Variants in CAMK1D observed in about 807,000 individuals in gnomAD.
CAMK1D encodes the protein calcium/calmodulin dependent protein kinase ID.
In CAMK1D, 9 loss-of-function variants were observed where a neutral mutation model predicts 47.7. That is an observed-to-expected ratio of 0.19 (90% CI 0.11 to 0.33). The LOEUF is 0.33. CAMK1D is among the 10% of genes least tolerant of loss of function. CAMK1D has a pLI of 1.00. For synonymous variants in CAMK1D, 184 were observed against 184.9 expected (o/e 0.99, Z 0.04); for missense variants, 291 against 488.7 (o/e 0.60, Z 3.81).
intron 1 of CAMK1D, among the ~76,000 whole-genome samples, chr10:12,439,149 T>A (rs1046994182): frequency 1.3e-5 from 2 of 152,248 alleles, no homozygotes; most frequent in African/African-American, 2.4e-5. Context: ...TTGCGCAGGC[T>A]GTCTGAGGAC....
intron 1 of CAMK1D, among the ~76,000 whole-genome samples, chr10:12,396,770 C>T (rs1329849953): frequency 1.3e-5 from 2 of 152,188 alleles, no homozygotes; most frequent in East Asian, 3.9e-4. Flanking sequence ...CACTTCCAGC[C>T]ACGTAGGCTC....
At chr10:12,379,071 A>G (rs1838270154) in intron 1 of CAMK1D, among the ~76,000 whole-genome samples, 1 of 152,076 alleles carries the variant, frequency 6.6e-6, no homozygotes, top group African/African-American at 2.4e-5. Context: ...CGGCCTCCCA[A>G]AGTGTTGGGA....
chr10:12,683,214 G>C (rs528155195), intron 3 of CAMK1D, among the ~76,000 whole-genome samples: 2 of 152,038 alleles, frequency 1.3e-5, no homozygotes, highest in African/African-American at 4.8e-5. Flanking sequence ...AGCCTCCCGA[G>C]TAGCTGGGAC....
intron 1 of CAMK1D, among the ~76,000 whole-genome samples, chr10:12,378,725 G>T (rs944869873): frequency 1.3e-5 from 2 of 151,774 alleles, no homozygotes; most frequent in African/African-American, 4.8e-5. Context: ...AGTTTATTGA[G>T]CACTAGAGTT....
At chr10:12,828,714 CA>C in intron 10 of CAMK1D, 54 bp from the exon 11 acceptor site, 1 of 1,432,086 alleles carries the variant, frequency 7.0e-7, no homozygotes, top group Non-Finnish European at 9.8e-7. Context: ...CAGTGGGAAG[CA>C]GGGTGAGAAT....
intron 1 of CAMK1D, among the ~76,000 whole-genome samples, chr10:12,505,153 G>A (rs1349623215): frequency 1.3e-5 from 2 of 152,222 alleles, no homozygotes; most frequent in Non-Finnish European, 2.9e-5. Flanking sequence ...GATAGATGCA[G>A]AAGCCGTCCG....
rs76762641 is a variant in CAMK1D at position 12,467,371 on chromosome 10, T to C, written c.93-85854T>C. 1.9e-3 allele frequency among the ~76,000 whole-genome samples: 295 copies of C among 152,260 alleles called. 12 individuals are homozygous for C. The East Asian group carries it at 0.046, about 24-fold the overall frequency. ...TTTTGCCATTTTGTCCAGGCTGGTC[T>C]TGAACCGCTGGCCTCAAGTGATCCA... On this transcript the variant is annotated intron_variant, in intron 1 of 10. Transcript: ENST00000619168.
intron 2 of CAMK1D, among the ~76,000 whole-genome samples, chr10:12,557,510 C>T (rs1836799733): frequency 6.8e-6 from 1 of 146,802 alleles, no homozygotes; most frequent in African/African-American, 2.5e-5. Context: ...CCAGATCGCG[C>T]CACTGCACTC....
chr10:12,827,307 T>TTC (rs879343909), intron 10 of CAMK1D, among the ~76,000 whole-genome samples: 33,831 of 107,540 alleles, frequency 0.31, 4,710 homozygotes, highest in South Asian at 0.47. Flanking sequence ...TTCTCTCTCT[T>TTC]TTTCTTTTCT....
chr10:12,725,744 A>G (rs1301715540), intron 3 of CAMK1D, among the ~76,000 whole-genome samples: 3 of 152,100 alleles, frequency 2.0e-5, no homozygotes, highest in African/African-American at 4.8e-5. Context: ...GCTACACACT[A>G]CTGAATAATA....
At chr10:12,461,416 C>T (rs911136774) in intron 1 of CAMK1D, among the ~76,000 whole-genome samples, 8 of 152,122 alleles carry the variant, frequency 5.3e-5, no homozygotes, top group African/African-American at 1.7e-4. Context: ...TTTGGCCGGG[C>T]GCAGTGGCTC....
chr10:12,428,138 C>T (rs1840315224), intron 1 of CAMK1D, among the ~76,000 whole-genome samples: 1 of 152,154 alleles, frequency 6.6e-6, no homozygotes, highest in Non-Finnish European at 1.5e-5. Flanking sequence ...CCGTCATCTG[C>T]ATTAGGTATA....
intron 6 of CAMK1D, among the ~76,000 whole-genome samples, chr10:12,793,514 T>C (rs1022229392): frequency 1.3e-5 from 2 of 152,242 alleles, no homozygotes; most frequent in African/African-American, 4.8e-5. Flanking sequence ...CAAAATGCCA[T>C]GTGGTTTAAA....
In CAMK1D at chr10:12,811,513, A is replaced by G. The variant is rs558099460; in HGVS notation, c.642-2682A>G. Among the ~76,000 whole-genome samples, 27 of 152,354 alleles carry G rather than the reference A, an allele frequency of 1.8e-4. No individual in the cohort carries two copies. In the East Asian group the frequency reaches 5.0e-3, roughly 28 times the overall value. On this transcript the variant is annotated intron_variant, in intron 6 of 10. Coordinates refer to ENST00000619168, the MANE Select transcript of CAMK1D (RefSeq NM_153498.4). ...TTAATTTTGACTTACTTAGGCTCCA[A>G]GCTCAATCCATGTCCTTTTCCTGTG... is the stretch of plus-strand genomic sequence containing the variant.
In CAMK1D at chr10:12,417,554, A is replaced by G. The variant is rs373088616; in HGVS notation, c.92+67644A>G. Among the ~76,000 whole-genome samples the G allele has an allele frequency of 1.8e-4, 27 of 152,164 alleles. 1 individual carries two copies. In the South Asian group the frequency reaches 3.5e-3, roughly 20 times the overall value. ...CTGGGGCTCCGGCTGGGGTGGGGAG[A>G]TGGCTTGGCCCTGGGCTGTTGGCCT... On this transcript the variant is annotated intron_variant, in intron 1 of 10. Transcript: ENST00000619168.
At chr10:12,649,722 T>TA (rs1378079147) in intron 2 of CAMK1D, among the ~76,000 whole-genome samples, 2 of 152,204 alleles carry the variant, frequency 1.3e-5, no homozygotes, top group Non-Finnish European at 2.9e-5. Context: ...TGTTGCAGGA[T>TA]ACGTTTTGCC....
rs191952976 is a variant in CAMK1D, at chr10:12,817,727, G to A, written c.833+1399G>A. On this transcript the variant is annotated intron_variant, in intron 8 of 10. Coordinates refer to ENST00000619168, the MANE Select transcript of CAMK1D (RefSeq NM_153498.4). ...TTTGTTTTTTTGAGATGGAGTCTCC[G>A]TCACCCAGGCTGGAGTGCAGTGGGG... Among the ~76,000 whole-genome samples, 720 of 152,070 alleles carry A rather than the reference G, an allele frequency of 4.7e-3. 3 individuals are homozygous for A. Among genetic ancestry groups the A allele is most frequent in the Non-Finnish European group, 8.0e-3 (545 of 67,992 alleles).
intron 1 of CAMK1D, among the ~76,000 whole-genome samples, chr10:12,500,366 C>T (rs1475170286): frequency 1.3e-5 from 2 of 152,172 alleles, no homozygotes; most frequent in East Asian, 3.9e-4. Flanking sequence ...GGGACCTGTC[C>T]AGGGCTTGGC....
At chr10:12,362,731 C>T (rs1177171980) in intron 1 of CAMK1D, among the ~76,000 whole-genome samples, 2 of 152,148 alleles carry the variant, frequency 1.3e-5, no homozygotes, top group African/African-American at 2.4e-5. Context: ...AGGATAGTCG[C>T]GATCTCCTGA....
Sources: allele counts gnomAD v4.1 joint callset (sites outside exome capture counted in the v4.1 genomes callset), GRCh38; gene constraint gnomAD v4.1.1; transcripts MANE v1.5; gene names NCBI Gene and HGNC (gene_info 2026-07-23, HGNC 2026-07-21).